WDFY4: variants seen among roughly 807,000 people sequenced by gnomAD.
WDFY4 encodes WDFY family member 4.
WDFY4 carries 169 observed loss-of-function variants against 351.9 expected under a neutral mutation model. The ratio of observed to expected loss-of-function variants is 0.48; its 90% CI spans 0.42 to 0.55. WDFY4 has a LOEUF of 0.55. WDFY4 is among the 20% of genes least tolerant of loss of function. The probability of loss-of-function intolerance (pLI) is 0.00; values close to 1 mark genes in which losing one functional copy is unlikely to be tolerated. For synonymous variants in WDFY4, 1,622 were observed against 1,574.6 expected (o/e 1.03, Z -0.71); for missense variants, 3,803 against 3,935.6 (o/e 0.97, Z 0.90).
At position 48,875,011 on chromosome 10, in the gene WDFY4, A is replaced by G. The variant is rs1000811252; in HGVS notation, c.6949-78A>G. ...GTCACATGCATGTGCGTGTTTGTGA[A>G]TCTGTGGAATTGGAGGTGAGTGAAG... On this transcript the variant is annotated intron_variant, in intron 41 of 61. Transcript: ENST00000325239. The G allele has an allele frequency of 4.6e-6, 4 of 862,404 alleles. No individual in the cohort carries two copies. The East Asian group carries it at 9.8e-5, about 21-fold the overall frequency. 53.4% of individuals were successfully genotyped at this position (862,404 alleles called of 1,614,324 possible). A position where few individuals can be genotyped will look rare whatever the true frequency, so the allele number is the denominator to read the frequency against.
intron 19 of WDFY4, among the ~76,000 whole-genome samples, chr10:48,781,956 G>A (rs1451254932): frequency 1.3e-5 from 2 of 152,202 alleles, no homozygotes; most frequent in Non-Finnish European, 2.9e-5. Context: ...TATCCCATGG[G>A]GTAGTAAGGA....
At chr10:48,739,214 T>TG (rs2064772709) in intron 11 of WDFY4, among the ~76,000 whole-genome samples, 1 of 152,256 alleles carries the variant, frequency 6.6e-6, no homozygotes, top group Admixed American at 6.5e-5. Flanking sequence ...AAATAAATCC[T>TG]GTTAGTCCTA....
At chr10:48,971,933 C>G (rs1056224986) in intron 57 of WDFY4, among the ~76,000 whole-genome samples, 6 of 152,136 alleles carry the variant, frequency 3.9e-5, no homozygotes, top group South Asian at 4.1e-4. Flanking sequence ...TACAGCTTGC[C>G]CTGGGGACTG....
chr10:48,964,083 T>G (rs1841975517), intron 54 of WDFY4, 29 bp downstream of exon 54: 2 of 1,547,374 alleles, frequency 1.3e-6, no homozygotes, highest in South Asian at 2.4e-5. Context: ...TTTGCCTTGC[T>G]TTCTCAAAAG....
chr10:48,947,944 C>A (rs895393844), intron 51 of WDFY4, among the ~76,000 whole-genome samples: 1 of 152,196 alleles, frequency 6.6e-6, no homozygotes, highest in African/African-American at 2.4e-5. Context: ...ACCTAAGCCT[C>A]ATCTCAGAAA....
In WDFY4 at chr10:48,811,666, C is replaced by G. The variant is rs2067451204; in HGVS notation, c.5172C>G (p.Phe1724Leu). 6.4e-7 allele frequency: 1 copy of G among 1,551,742 alleles called. No homozygotes were observed. The highest frequency in any genetic ancestry group is 8.7e-7 in the Non-Finnish European group (1 of 1,147,038). ...IPEVYLIVST[F>L]FLQTPLTELM... is the part of the protein sequence containing the mutation. ...AGGTCTACCTCATCGTCTCCACCTT[C>G]TTCCTGCAGACACCACTCACAGAGC... is the stretch of plus-strand genomic sequence containing the variant. Residue 1724 changes from phenylalanine to leucine, a missense_variant, in exon 30 of 62, where the codon TTC becomes TTG. Transcript: ENST00000325239.
At chr10:48,750,589 T>C (rs914735198) in intron 12 of WDFY4, among the ~76,000 whole-genome samples, 2 of 152,370 alleles carry the variant, frequency 1.3e-5, no homozygotes, top group Non-Finnish European at 1.5e-5. Context: ...GCCTCACATT[T>C]CCTCAGCACC....
chr10:48,869,740 C>T (rs1027005138), intron 40 of WDFY4, among the ~76,000 whole-genome samples: 1 of 152,180 alleles, frequency 6.6e-6, no homozygotes, highest in Non-Finnish European at 1.5e-5. Context: ...AATGACTTAT[C>T]CTGCCTACAC....
chr10:48,885,744 AGATAGATAGG>A (rs2070429450), intron 43 of WDFY4, among the ~76,000 whole-genome samples: 2 of 152,172 alleles, frequency 1.3e-5, no homozygotes, highest in Non-Finnish European at 1.5e-5. Flanking sequence ...CTATATATAT[AGATAGATAGG>A]TAGATAGATA....
intron 39 of WDFY4, among the ~76,000 whole-genome samples, chr10:48,857,330 T>C (rs2069169087): frequency 7.7e-6 from 1 of 129,810 alleles, no homozygotes; most frequent in African/African-American, 3.4e-5. Flanking sequence ...TATTCTTAAG[T>C]GAAAATAGCT....
intron 2 of WDFY4, among the ~76,000 whole-genome samples, chr10:48,710,997 G>A (rs918833339): frequency 2.0e-5 from 3 of 152,192 alleles, no homozygotes; most frequent in African/African-American, 7.2e-5. Context: ...TTTTTGAAAA[G>A]CGTATACCTA....
rs2066495968 is a variant in WDFY4, at chr10:48,787,892, TCCTTCTTCTTCTTCTTCTTCTTC to T, written c.3809-637_3809-615del. Among the ~76,000 whole-genome samples the T allele has an allele frequency of 3.2e-3, 233 of 72,278 alleles. 3 individuals are homozygous for T. Among genetic ancestry groups the T allele is most frequent in the East Asian group, 7.5e-3 (13 of 1,732 alleles). The allele number at this position is 72,278 out of a possible 152,430, so 47.4% of individuals were successfully genotyped here. The stretch of plus-strand genomic sequence containing the variant: ...CTTTCTTCTTTCTTTCTTCTTCTTC[TCCTTCTTCTTCTTCTTCTTCTTC>T]TTCTTCTTCTTCTTCTTCTTCTTCT... On this transcript the variant is annotated intron_variant, in intron 20 of 61. Coordinates refer to ENST00000325239, the MANE Select transcript of WDFY4 (RefSeq NM_001394531.1).
intron 39 of WDFY4, among the ~76,000 whole-genome samples, chr10:48,857,482 G>A (rs1433110258): frequency 1.3e-5 from 2 of 150,922 alleles, no homozygotes; most frequent in Non-Finnish European, 3.0e-5. Flanking sequence ...ATTTCAACAC[G>A]GGAAAAAAAA....
intron 57 of WDFY4, among the ~76,000 whole-genome samples, chr10:48,974,613 G>T (rs1005362998): frequency 6.7e-6 from 1 of 149,892 alleles, no homozygotes; most frequent in African/African-American, 2.5e-5. Flanking sequence ...CTCTGGTTGG[G>T]TTATAAGTAA....
intron 1 of WDFY4, among the ~76,000 whole-genome samples, chr10:48,708,471 C>T (rs77250231): frequency 0.039 from 5,962 of 152,254 alleles, 138 homozygotes; most frequent in South Asian, 0.085. Context: ...GCTGGGCACC[C>T]GGATGGCTTC....
At chr10:48,762,739 C>A (rs982017895) in intron 13 of WDFY4, among the ~76,000 whole-genome samples, 1 of 152,236 alleles carries the variant, frequency 6.6e-6, no homozygotes, top group African/African-American at 2.4e-5. Flanking sequence ...CTCCATCTGG[C>A]CTCTGCCTGT....
At chr10:48,978,189 G>A in intron 59 of WDFY4, 120 bp from the exon 60 acceptor site, 1 of 913,352 alleles carries the variant, frequency 1.1e-6, no homozygotes, top group East Asian at 2.7e-5. Flanking sequence ...AAGTGAAAGG[G>A]GGGCCATGTG....
At chr10:48,945,367 TTCTG>T (rs956598096) in intron 49 of WDFY4, among the ~76,000 whole-genome samples, 21 of 152,052 alleles carry the variant, frequency 1.4e-4, no homozygotes, top group South Asian at 4.1e-4. Flanking sequence ...CAGAGCGAGA[TTCTG>T]TCTCAGAAAA....
chr10:48,978,071 G>T (rs1842651939), intron 59 of WDFY4, among the ~76,000 whole-genome samples: 1 of 152,212 alleles, frequency 6.6e-6, no homozygotes, highest in African/African-American at 2.4e-5. Context: ...TGCACTTAGG[G>T]ACATGGGTGG....
Sources: allele counts gnomAD v4.1 joint callset (sites outside exome capture counted in the v4.1 genomes callset), GRCh38; gene constraint gnomAD v4.1.1; transcripts MANE v1.5; gene names NCBI Gene and HGNC (gene_info 2026-07-23, HGNC 2026-07-21).